GPI: variants seen among roughly 807,000 people sequenced by gnomAD.
The protein encoded by GPI is glucose-6-phosphate isomerase.
Under a neutral mutation model 75.8 loss-of-function variants are expected in GPI, and 56 were observed. The observed-to-expected ratio is 0.74, with a 90% CI of 0.60 to 0.92. GPI has a LOEUF of 0.92. GPI is among the 40% of genes least tolerant of loss of function. GPI has a pLI of 0.00. For missense variants in GPI, 638 were observed against 741.0 expected, an observed-to-expected ratio of 0.86 and a Z score of 1.61; for synonymous variants, 288 against 285.4, an observed-to-expected ratio of 1.01 and a Z score of -0.09.
rs2074908924 is a variant in GPI at position 34,394,042 on chromosome 19, C to T, written c.1038C>T (p.His346=). 1 of 1,612,694 alleles carries T rather than the reference C, an allele frequency of 6.2e-7. No homozygotes were observed. The highest frequency in any genetic ancestry group is 8.5e-7 in the Non-Finnish European group (1 of 1,179,786). Residue 346 remains histidine, a synonymous_variant, in exon 12 of 18, where the codon CAC becomes CAT. Coordinates refer to ENST00000356487, the MANE Select transcript of GPI (RefSeq NM_000175.5). ...HAMLPYDQYL[H]RFAAYFQQGD... ...TGCTGCCCTATGACCAGTACCTGCACCGCTTTGCTGCGTACTTCCAGCAGG... is the reference window on the plus strand; with the variant it reads ...TGCTGCCCTATGACCAGTACCTGCATCGCTTTGCTGCGTACTTCCAGCAGG...
intron 9 of GPI, among the ~76,000 whole-genome samples, chr19:34,388,031 G>C (rs2074764165): frequency 6.6e-6 from 1 of 152,198 alleles, no homozygotes; most frequent in African/African-American, 2.4e-5. Context: ...CTAAAGATCA[G>C]CTGGGACAGG....
intron 4 of GPI, 98 bp from the exon 5 acceptor site, chr19:34,377,405 G>A (rs2074563053): frequency 1.2e-6 from 1 of 802,932 alleles, no homozygotes; most frequent in Non-Finnish European, 2.2e-6. Context: ...GGGCCTGAAA[G>A]CTGGGACTGA....
intron 12 of GPI, 115 bp downstream of exon 12, chr19:34,394,181 T>A: frequency 1.4e-6 from 1 of 737,414 alleles, no homozygotes; most frequent in Non-Finnish European, 2.4e-6. Context: ...CCCTTGGGCC[T>A]GGCCAAGGTC....
chr19:34,365,673 C>G (rs1185656777), intron 1 of GPI: 14 of 602,328 alleles, frequency 2.3e-5, no homozygotes, highest in Non-Finnish European at 3.7e-5. Context: ...CCCCGTGCAG[C>G]TCTGGCCATT....
In GPI at chr19:34,393,854, T is replaced by C. The variant is rs2074903969; in HGVS notation, c.910-60T>C. On this transcript the variant is annotated intron_variant, in intron 11 of 17. Coordinates refer to ENST00000356487, the MANE Select transcript of GPI (RefSeq NM_000175.5). The surrounding 1 kb of genome is among the most constrained non-coding windows in gnomAD (Gnocchi z 4.4). Reference sequence around the variant, plus strand: ...TGGTCCCCCGCTTTCTCCCCCACTGTCCTGTCCCTCCCCTCCCCGTGCAGC... The same window carrying C: ...TGGTCCCCCGCTTTCTCCCCCACTGCCCTGTCCCTCCCCTCCCCGTGCAGC... 1 of 1,605,898 alleles carries C rather than the reference T, an allele frequency of 6.2e-7. No individual in the cohort carries two copies. The highest frequency in any genetic ancestry group is 8.5e-7 in the Non-Finnish European group (1 of 1,173,634).
intron 9 of GPI, among the ~76,000 whole-genome samples, chr19:34,388,513 AGAT>A (rs1197301578): frequency 1.3e-5 from 2 of 151,948 alleles, no homozygotes; most frequent in Non-Finnish European, 2.9e-5. Context: ...GGAAAAAGGT[AGAT>A]GATGGTTAGA....
upstream of GPI, chr19:34,359,864 T>C (rs1439408808): frequency 6.6e-6 from 1 of 152,334 alleles, no homozygotes; most frequent in Non-Finnish European, 1.5e-5. Context: ...AGAACGGGGC[T>C]CTTGTTTGGA....
chr19:34,376,470 T>C (rs1289833289), intron 4 of GPI, among the ~76,000 whole-genome samples: 1 of 151,756 alleles, frequency 6.6e-6, no homozygotes, highest in Admixed American at 6.6e-5. Context: ...GGCAGGAGAA[T>C]TGCTTGAACC....
intron 9 of GPI, among the ~76,000 whole-genome samples, chr19:34,384,301 G>C (rs1277283236): frequency 6.6e-6 from 1 of 152,178 alleles, no homozygotes; most frequent in Non-Finnish European, 1.5e-5. Flanking sequence ...GGGTCTGGTC[G>C]AGGTACGTAG....
intron 9 of GPI, among the ~76,000 whole-genome samples, chr19:34,384,754 A>G (rs889728829): frequency 6.6e-6 from 1 of 152,164 alleles, no homozygotes; most frequent in African/African-American, 2.4e-5. Context: ...GTCAAGACAG[A>G]TGGGTAGGCC....
intron 14 of GPI, 67 bp downstream of exon 14, chr19:34,396,724 T>C: frequency 2.4e-6 from 3 of 1,236,754 alleles, no homozygotes; most frequent in Non-Finnish European, 3.5e-6. Flanking sequence ...TCTGAAAACC[T>C]GGTGCATTGG....
At chr19:34,362,113 CAAAAAAAA>C (rs71165651), upstream of GPI, among the ~76,000 whole-genome samples, 1 of 79,656 alleles carries the variant, frequency 1.3e-5, no homozygotes, top group Non-Finnish European at 2.5e-5. Context: ...GACTCCATCT[CAAAAAAAA>C]AAAAAAAAAA....
chr19:34,384,599 G>A (rs919640848), intron 9 of GPI, among the ~76,000 whole-genome samples: 4 of 152,180 alleles, frequency 2.6e-5, no homozygotes, highest in South Asian at 4.1e-4. Flanking sequence ...CAAGGAGTCC[G>A]GATTAGGCTC....
rs138799755 is a variant in GPI, at chr19:34,399,741, C to T, written c.1497C>T (p.Phe499=). The change falls in exon 17 of 18, where the codon TTC becomes TTT. Residue 499 remains phenylalanine, a synonymous_variant. Coordinates refer to ENST00000356487, the MANE Select transcript of GPI (RefSeq NM_000175.5). ...CAGCCATGTATGAGCACAAGATCTTCGTTCAGGGCATCATCTGGGACATCA... is the reference window on the plus strand; with the variant it reads ...CAGCCATGTATGAGCACAAGATCTTTGTTCAGGGCATCATCTGGGACATCA... ...ALVAMYEHKI[F]VQGIIWDINS... The T allele has an allele frequency of 6.6e-5, 106 of 1,613,938 alleles. No homozygotes were observed. Among genetic ancestry groups the T allele is most frequent in the African/African-American group, 4.7e-4 (35 of 74,864 alleles).
At chr19:34,384,868 C>A (rs2074709488) in intron 9 of GPI, among the ~76,000 whole-genome samples, 1 of 150,288 alleles carries the variant, frequency 6.7e-6, no homozygotes, top group Non-Finnish European at 1.5e-5. Context: ...CATAGCGAAA[C>A]CCCGTCTCTA....
chr19:34,373,125 A>G (rs1162960912), intron 4 of GPI, among the ~76,000 whole-genome samples: 1 of 150,982 alleles, frequency 6.6e-6, no homozygotes, highest in Non-Finnish European at 1.5e-5. Flanking sequence ...TGTGGCTCAC[A>G]CCTGTAGTCC....
chr19:34,381,238 A>G (rs1401564980), intron 8 of GPI: 3 of 604,242 alleles, frequency 5.0e-6, no homozygotes, highest in Admixed American at 2.7e-5. Flanking sequence ...TGCAGGCACA[A>G]CGTCACTGGC....
upstream of GPI, among the ~76,000 whole-genome samples, chr19:34,363,677 G>C (rs146140203): frequency 3.8e-3 from 576 of 152,252 alleles, 3 homozygotes; most frequent in African/African-American, 0.013. Flanking sequence ...AAAATTAGTT[G>C]GGTGTGGTGG....
intron 17 of GPI, 40 bp downstream of exon 17, chr19:34,399,825 T>G (rs1269341142): frequency 6.2e-7 from 1 of 1,613,118 alleles, no homozygotes; most frequent in Non-Finnish European, 8.5e-7. Flanking sequence ...AATACCTTTG[T>G]GTCGGCTCAG....
Sources: gnomAD v4.1 joint callset for allele counts (sites outside exome capture counted in the v4.1 genomes callset) on GRCh38, gnomAD v4.1.1 for gene constraint, Gnocchi (gnomAD v3.1) non-coding constraint, MANE v1.5 for transcripts, NCBI Gene and HGNC (gene_info 2026-07-23, HGNC 2026-07-21) for gene names.